The following PARD3 variants were observed in gnomAD, a reference collection of about 807,000 sequenced individuals.
PARD3 encodes the protein partitioning defective 3 homolog.
PARD3 carries 75 observed loss-of-function variants against 155.4 expected under a neutral mutation model. The ratio of observed to expected loss-of-function variants is 0.48; its 90% confidence interval spans 0.40 to 0.58. PARD3 has a LOEUF of 0.58. PARD3 is among the 20% of genes least tolerant of loss of function. The pLI is 0.00. For missense variants in PARD3, 1,642 were observed against 1,721.7 expected (o/e 0.95, Z 0.82); for synonymous variants, 576 against 610.5 (o/e 0.94, Z 0.83).
chr10:34,813,672 C>G (rs1844505760), intron 1 of PARD3, among the ~76,000 whole-genome samples: 1 of 152,154 alleles, frequency 6.6e-6, no homozygotes, highest in Non-Finnish European at 1.5e-5. Context: ...GTCTAAAAAG[C>G]TTTTACTTCT....
chr10:34,286,587 G>T (rs1956404109), intron 20 of PARD3, among the ~76,000 whole-genome samples: 1 of 152,232 alleles, frequency 6.6e-6, no homozygotes, highest in Non-Finnish European at 1.5e-5. Context: ...TTTGAGGAAT[G>T]GCAAGGGCCA....
At chr10:34,355,536 G>A (rs1039496830) in intron 14 of PARD3, among the ~76,000 whole-genome samples, 4 of 152,132 alleles carry the variant, frequency 2.6e-5, no homozygotes, top group African/African-American at 9.7e-5. Flanking sequence ...TGCCAGAGTG[G>A]ACCTGTGAGC....
intron 21 of PARD3, among the ~76,000 whole-genome samples, chr10:34,276,515 G>A (rs1955887852): frequency 6.6e-6 from 1 of 152,078 alleles, no homozygotes; most frequent in African/African-American, 2.4e-5. Flanking sequence ...TTCTGTTTTT[G>A]TAACATTTCT....
intron 2 of PARD3, among the ~76,000 whole-genome samples, chr10:34,672,658 G>A (rs2093630400): frequency 6.6e-6 from 1 of 152,194 alleles, no homozygotes; most frequent in Non-Finnish European, 1.5e-5. Context: ...GCTCTGGCCT[G>A]GGCAACAGAG....
intron 1 of PARD3, among the ~76,000 whole-genome samples, chr10:34,807,307 C>T (rs185819054): frequency 4.6e-4 from 70 of 152,312 alleles, no homozygotes; most frequent in African/African-American, 1.5e-3. Flanking sequence ...TTATGAAATG[C>T]TCAGAACTAC....
At position 34,275,733 on chromosome 10, in the gene PARD3, A is replaced by G. The variant is rs1377098712; in HGVS notation, c.3177-5834T>C. On this transcript the variant is annotated intron_variant, in intron 21 of 24. Transcript: ENST00000374788. ...TGTTTGGTGTCCTCATAAAAATAAC[A>G]TGACTTCTTAAGGAAACTTTGAAAA... is the stretch of plus-strand genomic sequence containing the variant. Among the ~76,000 whole-genome samples, 3 of 152,154 alleles carry G rather than the reference A, an allele frequency of 2.0e-5. No homozygotes were observed. The South Asian group carries it at 6.2e-4, about 32-fold the overall frequency.
At chr10:34,761,272 G>C (rs1180051369) in intron 1 of PARD3, among the ~76,000 whole-genome samples, 1 of 151,912 alleles carries the variant, frequency 6.6e-6, no homozygotes, top group Non-Finnish European at 1.5e-5. Flanking sequence ...TTAGCCAGGT[G>C]TGGTTGCGTG....
At chr10:34,747,962 TC>T (rs1031468882) in intron 1 of PARD3, among the ~76,000 whole-genome samples, 1 of 152,146 alleles carries the variant, frequency 6.6e-6, no homozygotes, top group African/African-American at 2.4e-5. Flanking sequence ...CACGACAGTT[TC>T]CTAACCAAGG....
intron 2 of PARD3, among the ~76,000 whole-genome samples, chr10:34,532,607 G>A (rs1037392978): frequency 2.6e-5 from 4 of 152,122 alleles, no homozygotes; most frequent in East Asian, 3.8e-4. Context: ...GAGTTGTTTC[G>A]TTCTGGATAT....
chr10:34,118,839 A>G (rs184988747), intron 24 of PARD3, among the ~76,000 whole-genome samples: 173 of 152,348 alleles, frequency 1.1e-3, no homozygotes, highest in African/African-American at 3.8e-3. Context: ...ACAAATGCCT[A>G]TAAGAATTGT....
chr10:34,326,158 G>T (rs1835007738), intron 19 of PARD3, among the ~76,000 whole-genome samples: 1 of 151,180 alleles, frequency 6.6e-6, no homozygotes, highest in Non-Finnish European at 1.5e-5. Flanking sequence ...TAGAAATGAG[G>T]ATTCTATCAT....
chr10:34,145,121 G>C (rs897485789), intron 22 of PARD3, among the ~76,000 whole-genome samples: 1 of 141,600 alleles, frequency 7.1e-6, no homozygotes, highest in African/African-American at 2.6e-5. Flanking sequence ...TTATCTTCTA[G>C]CTTACAAGAC....
At chr10:34,773,161 T>C (rs1429943230) in intron 1 of PARD3, among the ~76,000 whole-genome samples, 1 of 152,164 alleles carries the variant, frequency 6.6e-6, no homozygotes, top group Non-Finnish European at 1.5e-5. Context: ...AATTTAATTA[T>C]AAACAAAAAA....
At chr10:34,343,844 GT>G (rs1450708478) in intron 15 of PARD3, 3 of 981,608 alleles carry the variant, frequency 3.1e-6, no homozygotes, top group Non-Finnish European at 3.6e-6. Flanking sequence ...TCAGTATCTT[GT>G]AGAGGAGTGA....
chr10:34,127,833 T>C (rs1947368990), intron 23 of PARD3, among the ~76,000 whole-genome samples: 1 of 140,430 alleles, frequency 7.1e-6, no homozygotes, highest in Non-Finnish European at 1.6e-5. Flanking sequence ...TAAATATACA[T>C]AGTTAAGAAT....
chr10:34,374,150 T>C (rs1180562042), intron 11 of PARD3, among the ~76,000 whole-genome samples: 1 of 152,188 alleles, frequency 6.6e-6, no homozygotes. Flanking sequence ...CATTTTTATA[T>C]ATAAATGAAA....
chr10:34,403,019 A>C (rs887699945), intron 5 of PARD3, among the ~76,000 whole-genome samples: 1 of 152,202 alleles, frequency 6.6e-6, no homozygotes, highest in African/African-American at 2.4e-5. Flanking sequence ...TAGAACAGTT[A>C]AGAGATCCTC....
At chr10:34,347,495 A>T (rs1397762718) in intron 15 of PARD3, among the ~76,000 whole-genome samples, 1 of 152,252 alleles carries the variant, frequency 6.6e-6, no homozygotes, top group African/African-American at 2.4e-5. Flanking sequence ...TATTAAATAC[A>T]AACCAGATAC....
chr10:34,397,464 C>A (rs1437898972), intron 7 of PARD3, among the ~76,000 whole-genome samples: 2 of 152,186 alleles, frequency 1.3e-5, no homozygotes, highest in African/African-American at 4.8e-5. Flanking sequence ...AAGTGCCAAA[C>A]TAATAGGGCT....
Sources: gnomAD v4.1 joint callset for allele counts (sites outside exome capture counted in the v4.1 genomes callset) on GRCh38, gnomAD v4.1.1 for gene constraint, MANE v1.5 for transcripts, NCBI Gene and HGNC (gene_info 2026-07-23, HGNC 2026-07-21) for gene names.